Variants in KANSL3 observed in about 807,000 individuals in gnomAD.
KANSL3 encodes the protein KAT8 regulatory NSL complex subunit 3.
KANSL3 carries 16 observed loss-of-function variants against 89.2 expected under a neutral mutation model. The ratio of observed to expected loss-of-function variants is 0.18; its 90% confidence interval spans 0.12 to 0.27. KANSL3 has a LOEUF of 0.27. Ranked by LOEUF, KANSL3 falls within the 10% of genes least tolerant of loss-of-function variation. The probability of loss-of-function intolerance (pLI) is 1.00; values close to 1 mark genes in which losing one functional copy is unlikely to be tolerated. For missense variants in KANSL3, 879 were observed against 1,110.6 expected, an observed-to-expected ratio of 0.79 and a Z score of 2.96; for synonymous variants, 385 against 419.7, an observed-to-expected ratio of 0.92 and a Z score of 1.01.
chr2:96,600,259 A>T (rs1384396202), intron 20 of KANSL3: 3 of 215,990 alleles, frequency 1.4e-5, no homozygotes, highest in Non-Finnish European at 2.4e-5. Flanking sequence ...AGAAAAAAAA[A>T]TTTGAATGGA....
chr2:96,587,959 G>GA, the KANSL3 span, among the ~76,000 whole-genome samples: 1 of 152,110 alleles, frequency 6.6e-6, no homozygotes, highest in African/African-American at 2.4e-5. Context: ...GACACAATCT[G>GA]AAAAGAGAAC....
chr2:96,634,809 A>G (rs918269366), intron 2 of KANSL3, among the ~76,000 whole-genome samples: 4 of 152,220 alleles, frequency 2.6e-5, no homozygotes, highest in African/African-American at 9.6e-5. Flanking sequence ...TAGTACTTGG[A>G]TATGTGTAGC....
At chr2:96,628,338 G>A in intron 3 of KANSL3, 1 of 722,036 alleles carries the variant, frequency 1.4e-6, no homozygotes, top group Non-Finnish European at 1.7e-6. Context: ...ATGCTTTGCA[G>A]TTATATCTCT....
downstream of KANSL3, among the ~76,000 whole-genome samples, chr2:96,590,102 A>G (rs1322248237): frequency 6.6e-6 from 1 of 152,102 alleles, no homozygotes; most frequent in East Asian, 1.9e-4. Context: ...GGTTGCAGTG[A>G]GCCAAGATTG....
chr2:96,612,109 C>A (rs2069111735), intron 9 of KANSL3, 173 bp downstream of exon 9: 1 of 598,648 alleles, frequency 1.7e-6, no homozygotes, highest in African/African-American at 1.9e-5. Context: ...TTAAAGTTTT[C>A]CAAAATAAAT....
downstream of KANSL3, among the ~76,000 whole-genome samples, chr2:96,590,295 C>T (rs996120883): frequency 5.6e-4 from 83 of 147,638 alleles, no homozygotes; most frequent in Admixed American, 6.7e-4. Context: ...GTGGCAGTTT[C>T]TTTTTTTTTT....
chr2:96,604,725 A>C, intron 16 of KANSL3, 54 bp downstream of exon 16: 1 of 1,463,566 alleles, frequency 6.8e-7, no homozygotes, highest in Non-Finnish European at 9.4e-7. Flanking sequence ...AATAAACCAG[A>C]AACAGAGGGA....
At chr2:96,628,790 C>T (rs2072870003) in intron 3 of KANSL3, 2 of 150,848 alleles carry the variant, frequency 1.3e-5, no homozygotes, top group Admixed American at 1.3e-4. Context: ...AAAAATCACA[C>T]AGTTCTCCTA....
intron 2 of KANSL3, among the ~76,000 whole-genome samples, chr2:96,635,837 T>A (rs2074156843): frequency 6.6e-6 from 1 of 151,870 alleles, no homozygotes; most frequent in Non-Finnish European, 1.5e-5. Context: ...CTACTAAAAA[T>A]ACAAAAATTA....
At chr2:96,631,255 T>G in intron 3 of KANSL3, 57 bp downstream of exon 3, 1 of 1,261,382 alleles carries the variant, frequency 7.9e-7, no homozygotes, top group South Asian at 1.2e-5. Flanking sequence ...GTTATTTCAA[T>G]GAAGATGATA....
intron 3 of KANSL3, among the ~76,000 whole-genome samples, chr2:96,625,620 G>A (rs898502934): frequency 1.3e-5 from 2 of 152,160 alleles, no homozygotes; most frequent in Non-Finnish European, 2.9e-5. Flanking sequence ...GGGTTAGAAA[G>A]CTATTTAGAA....
In KANSL3 at chr2:96,594,061, C is replaced by T. The variant is rs936090272; in HGVS notation, c.*1550G>A. The T allele has an allele frequency of 6.6e-6, 1 of 152,144 alleles. No homozygotes were observed. Among genetic ancestry groups the T allele is most frequent in the African/African-American group, 2.4e-5 (1 of 41,316 alleles). The allele number at this position is 152,144 out of a possible 1,614,324, so 9.4% of individuals were successfully genotyped here. On this transcript the variant is annotated 3_prime_UTR_variant, in exon 21 of 21. Transcript: ENST00000431828. ...CTATCACACACATCCCCCCTGCCCACAGTACCCTGACCTACCTTGCCTGAG... is the reference window on the plus strand; with the variant it reads ...CTATCACACACATCCCCCCTGCCCATAGTACCCTGACCTACCTTGCCTGAG...
chr2:96,593,464 G>A lies in KANSL3; in HGVS notation c.*2147C>T, dbSNP rs552973247. ...TGAAATAGGTAAAGCTTCCTTTCGC[G>A]TTCCAAGAAATATAGTTTGCGAAGG... On this transcript the variant is annotated 3_prime_UTR_variant, in exon 21 of 21. Transcript: ENST00000431828. 3.2e-5 allele frequency: 12 copies of A among 375,710 alleles called. No homozygotes were observed. Among genetic ancestry groups the A allele is most frequent in the East Asian group, 1.5e-4 (2 of 13,746 alleles). 23.3% of individuals were successfully genotyped at this position (375,710 alleles called of 1,614,324 possible). A position where few individuals can be genotyped will look rare whatever the true frequency, so the allele number is the denominator to read the frequency against.
chr2:96,585,900 G>C, the KANSL3 span, among the ~76,000 whole-genome samples: 1 of 152,114 alleles, frequency 6.6e-6, no homozygotes, highest in African/African-American at 2.4e-5. Context: ...CTTAGAAGTG[G>C]GAGCTAAGCT....
At chr2:96,627,339 C>A (rs1187074811) in intron 3 of KANSL3, among the ~76,000 whole-genome samples, 1 of 151,978 alleles carries the variant, frequency 6.6e-6, no homozygotes. Context: ...CTCAGCCTCC[C>A]GAGTAGCTGA....
intron 14 of KANSL3, among the ~76,000 whole-genome samples, chr2:96,608,289 A>C: frequency 6.6e-6 from 1 of 152,218 alleles, no homozygotes; most frequent in East Asian, 1.9e-4. Context: ...CAGAACAGCA[A>C]GACAAAGCTA....
intron 11 of KANSL3, 89 bp from the exon 12 acceptor site, chr2:96,609,651 TA>T (rs2068557572): frequency 7.8e-7 from 1 of 1,283,190 alleles, no homozygotes; most frequent in African/African-American, 1.5e-5. Flanking sequence ...CTGGGTTGTT[TA>T]TTTTCTAGCC....
At chr2:96,604,419 C>T in intron 16 of KANSL3, 39 bp from the exon 17 acceptor site, 1 of 1,598,520 alleles carries the variant, frequency 6.3e-7, no homozygotes, top group Non-Finnish European at 8.5e-7. Flanking sequence ...CCAAAGGTCA[C>T]AGGACAGCAA....
At chr2:96,606,986 G>T (rs1306562227) in intron 14 of KANSL3, 1 of 1,289,276 alleles carries the variant, frequency 7.8e-7, no homozygotes, top group East Asian at 5.6e-5. Context: ...GACAGGAGGA[G>T]GTGCCAGGAG....
Sources: gnomAD v4.1 joint callset for allele counts (sites outside exome capture counted in the v4.1 genomes callset) on GRCh38, gnomAD v4.1.1 for gene constraint, MANE v1.5 for transcripts, NCBI Gene and HGNC (gene_info 2026-07-23, HGNC 2026-07-21) for gene names.